Variants in OR56A3 observed in about 807,000 individuals in gnomAD.
OR56A3 encodes the protein olfactory receptor family 56 subfamily A member 3.
A neutral mutation model predicts 17.5 loss-of-function variants in OR56A3; 23 were observed. The observed-to-expected ratio is 1.32, with a 90% CI of 0.95 to 1.87. The LOEUF (loss-of-function observed/expected upper bound fraction) is 1.87. OR56A3 is among the 40% of genes most tolerant of loss of function. The pLI is 0.00. For missense variants in OR56A3, 366 were observed against 380.1 expected (o/e 0.96, Z 0.31); for synonymous variants, 175 against 150.6 (o/e 1.16, Z -1.19).
At chr11:5,982,006 C>T in the OR56A3 span, among the ~76,000 whole-genome samples, 1 of 152,156 alleles carries the variant, frequency 6.6e-6, no homozygotes, top group Admixed American at 6.5e-5. Context: ...GTTCTCTGGC[C>T]CCTCTAAGCT....
At chr11:5,985,908 G>A in the OR56A3 span, 2 of 1,547,510 alleles carry the variant, frequency 1.3e-6, no homozygotes, top group East Asian at 4.6e-5. Context: ...CGCAGAAGAA[G>A]CCTCCGAAGG....
chr11:5,982,121 A>G, the OR56A3 span, among the ~76,000 whole-genome samples: 3 of 152,112 alleles, frequency 2.0e-5, 1 homozygote, highest in Admixed American at 2.0e-4. Context: ...GTGGCAGGAG[A>G]GTCCTCACTT....
chr11:5,995,007 G>C, the OR56A3 span: 1 of 668,640 alleles, frequency 1.5e-6, no homozygotes. Flanking sequence ...GGAAGCTGGT[G>C]GACCAGAACA....
chr11:5,947,060 T>TA (rs137998845), intron 2 of OR56A3, among the ~76,000 whole-genome samples: 41,344 of 151,796 alleles, frequency 0.27, 5,660 homozygotes, highest in Non-Finnish European at 0.29. Context: ...TTAGTTTCTC[T>TA]AAAAAAAACA....
chr11:6,008,917 C>G, the OR56A3 span, among the ~76,000 whole-genome samples: 1 of 151,940 alleles, frequency 6.6e-6, no homozygotes, highest in East Asian at 1.9e-4. Flanking sequence ...TCATGTTATT[C>G]TGATTATTAC....
chr11:6,018,208 AAAATTGAGTTC>A, the OR56A3 span, among the ~76,000 whole-genome samples: 5 of 152,132 alleles, frequency 3.3e-5, no homozygotes, highest in African/African-American at 1.2e-4. Context: ...TCAACAAAGA[AAAATTGAGTTC>A]AAATGCACTT....
the OR56A3 span, chr11:6,019,842 C>A: frequency 1.3e-5 from 2 of 152,208 alleles, no homozygotes; most frequent in South Asian, 4.1e-4. Flanking sequence ...GTATTCAATT[C>A]GTCAGTCACT....
downstream of OR56A3, among the ~76,000 whole-genome samples, chr11:5,951,748 G>C (rs1288371203): frequency 1.3e-5 from 2 of 152,126 alleles, no homozygotes; most frequent in Admixed American, 6.6e-5. Flanking sequence ...TCAAAAATAC[G>C]CATTCACACT....
chr11:5,967,858 C>A, the OR56A3 span: 1 of 1,569,344 alleles, frequency 6.4e-7, no homozygotes, highest in Non-Finnish European at 8.7e-7. Flanking sequence ...AGGATGAGGT[C>A]AGAGCCCAGC....
At chr11:5,981,183 C>T in the OR56A3 span, among the ~76,000 whole-genome samples, 3 of 152,084 alleles carry the variant, frequency 2.0e-5, no homozygotes, top group Non-Finnish European at 4.4e-5. Flanking sequence ...GGGTTCTCTG[C>T]ATTTCCTGAA....
At chr11:5,958,406 C>T in the OR56A3 span, among the ~76,000 whole-genome samples, 1 of 152,110 alleles carries the variant, frequency 6.6e-6, no homozygotes, top group African/African-American at 2.4e-5. Context: ...GGGCTGTTAC[C>T]TCTCTGAAGT....
the OR56A3 span, among the ~76,000 whole-genome samples, chr11:5,963,474 GT>G: frequency 1.3e-5 from 2 of 150,202 alleles, no homozygotes; most frequent in South Asian, 2.1e-4. Flanking sequence ...ATTTTTTGGT[GT>G]TTTTTTTTAA....
the OR56A3 span, among the ~76,000 whole-genome samples, chr11:5,999,020 C>G: frequency 6.6e-6 from 1 of 152,140 alleles, no homozygotes; most frequent in Non-Finnish European, 1.5e-5. Flanking sequence ...ATGGCTGTCC[C>G]TACGTGTTTC....
chr11:5,966,761 T>C, the OR56A3 span, among the ~76,000 whole-genome samples: 1 of 152,134 alleles, frequency 6.6e-6, no homozygotes, highest in African/African-American at 2.4e-5. Context: ...TTTAACTGTA[T>C]ATCTAAGACA....
chr11:5,998,891 G>A, the OR56A3 span, among the ~76,000 whole-genome samples: 1 of 152,176 alleles, frequency 6.6e-6, no homozygotes, highest in African/African-American at 2.4e-5. Flanking sequence ...ATTGTGTCAT[G>A]CTCTCTCAAA....
chr11:6,009,734 T>A, the OR56A3 span, among the ~76,000 whole-genome samples: 4 of 152,168 alleles, frequency 2.6e-5, no homozygotes, highest in African/African-American at 9.6e-5. Flanking sequence ...AGTCTAGATT[T>A]ATTTTAAAAG....
chr11:5,968,208 C>T, the OR56A3 span: 5 of 1,614,194 alleles, frequency 3.1e-6, no homozygotes, highest in Non-Finnish European at 4.2e-6. Flanking sequence ...GGCAGGGAAG[C>T]TGATTGATCT....
chr11:5,998,094 G>A, the OR56A3 span, among the ~76,000 whole-genome samples: 5 of 152,182 alleles, frequency 3.3e-5, no homozygotes, highest in Non-Finnish European at 4.4e-5. Flanking sequence ...ACAAGTCTGG[G>A]CTCCAAGAAT....
At chr11:6,010,116 GC>G in the OR56A3 span, among the ~76,000 whole-genome samples, 1 of 151,932 alleles carries the variant, frequency 6.6e-6, no homozygotes, top group Non-Finnish European at 1.5e-5. Flanking sequence ...TCTTTCTCAT[GC>G]TTTTTTACTC....
Sources: allele counts gnomAD v4.1 joint callset (sites outside exome capture counted in the v4.1 genomes callset), GRCh38; gene constraint gnomAD v4.1.1; transcripts MANE v1.5; gene names NCBI Gene and HGNC (gene_info 2026-07-23, HGNC 2026-07-21).